The following GIT2 variants were observed in gnomAD, a reference collection of about 807,000 sequenced individuals.
GIT2 encodes the protein GIT ArfGAP 2, also known as ARF GTPase-activating protein GIT2.
GIT2 carries 32 observed loss-of-function variants against 100.3 expected under a neutral mutation model. The observed-to-expected ratio is 0.32, with a 90% CI of 0.24 to 0.43. The LOEUF (loss-of-function observed/expected upper bound fraction) is 0.43, where lower values mean the gene tolerates loss of function less well. GIT2 is among the 20% of genes least tolerant of loss of function. The pLI is 1.00. For synonymous variants in GIT2, 353 were observed against 364.1 expected, an observed-to-expected ratio of 0.97 and a Z score of 0.35; for missense variants, 737 against 975.1, an observed-to-expected ratio of 0.76 and a Z score of 3.25.
intron 1 of GIT2, chr12:109,995,956 A>C: frequency 1.7e-5 from 8 of 458,286 alleles, no homozygotes; most frequent in Non-Finnish European, 2.7e-5. Context: ...ACGGGAGGGA[A>C]CGAGAGGGAA....
intron 7 of GIT2, among the ~76,000 whole-genome samples, chr12:109,970,195 T>C (rs1463923547): frequency 2.0e-5 from 3 of 152,054 alleles, no homozygotes; most frequent in East Asian, 3.9e-4. Flanking sequence ...TCCCAATGCA[T>C]TAAAAAGAAT....
At chr12:109,978,926 G>A (rs1292868161) in intron 7 of GIT2, among the ~76,000 whole-genome samples, 3 of 152,214 alleles carry the variant, frequency 2.0e-5, no homozygotes, top group African/African-American at 7.2e-5. Context: ...CCTAGACACT[G>A]TGAATGTTTT....
chr12:109,988,168 A>G (rs940693525), intron 4 of GIT2, among the ~76,000 whole-genome samples: 6 of 152,204 alleles, frequency 3.9e-5, no homozygotes, highest in African/African-American at 1.4e-4. Context: ...TAAAAGCCAT[A>G]TTGGAAAAAC....
At chr12:109,996,024 G>A in intron 1 of GIT2, 149 bp downstream of exon 1, 1 of 518,190 alleles carries the variant, frequency 1.9e-6, no homozygotes, top group South Asian at 2.7e-5. Flanking sequence ...GCTCTGACAG[G>A]CCCGGGACGG....
Position 109,948,776 on chromosome 12 carries a change from A to C in GIT2, c.1393-1272T>G, listed in dbSNP as rs1449206010. On this transcript the variant is annotated intron_variant, in intron 14 of 19. Transcript: ENST00000355312. The surrounding 1 kb of genome is among the most constrained non-coding windows in gnomAD (Gnocchi z 4.3). ...GAGTTACTTTCAATTTTTATTTAGAAAGCACCAATCTGTGAAAAATACACC... is the reference window on the plus strand; with the variant it reads ...GAGTTACTTTCAATTTTTATTTAGACAGCACCAATCTGTGAAAAATACACC... 6 of 1,581,652 alleles carry C rather than the reference A, an allele frequency of 3.8e-6. No homozygotes were observed. The highest frequency in any genetic ancestry group is 5.1e-6 in the Non-Finnish European group (6 of 1,170,160).
intron 14 of GIT2, among the ~76,000 whole-genome samples, chr12:109,949,905 G>T (rs1437911354): frequency 6.6e-6 from 1 of 152,156 alleles, no homozygotes; most frequent in African/African-American, 2.4e-5. Context: ...TCCAAAGAAG[G>T]CAAAGAAAAT....
At chr12:109,953,405 G>GGCCA (rs1242610520) in intron 12 of GIT2, 171 bp from the exon 13 acceptor site, 28 of 623,470 alleles carry the variant, frequency 4.5e-5, no homozygotes, top group Non-Finnish European at 7.0e-5. Flanking sequence ...AACTGCTTGA[G>GGCCA]GCCAGGAGTT....
At chr12:109,951,590 A>T (rs1877875653) in intron 13 of GIT2, among the ~76,000 whole-genome samples, 2 of 152,344 alleles carry the variant, frequency 1.3e-5, no homozygotes, top group South Asian at 4.1e-4. Flanking sequence ...CCTGTCTTGT[A>T]AGCCTTTCTC....
intron 16 of GIT2, 76 bp from the exon 17 acceptor site, chr12:109,939,323 C>A: frequency 2.4e-6 from 2 of 848,150 alleles, no homozygotes; most frequent in Admixed American, 1.7e-5. Context: ...GGAATTGTTA[C>A]CTGTTAGGCT....
Position 109,947,988 on chromosome 12 carries a change from A to T in GIT2, c.1393-484T>A. 1 of 337,368 alleles carries T rather than the reference A, an allele frequency of 3.0e-6. No homozygotes were observed. The highest frequency in any genetic ancestry group is 4.2e-6 in the Non-Finnish European group (1 of 237,396). The allele number at this position is 337,368 out of a possible 1,614,324, so 20.9% of individuals were successfully genotyped here. ...CAAAGATGACTAGGGTTGCTTTGCA[A>T]AGCAAGAAAGACAGAAGTTCAGCTT... is the stretch of plus-strand genomic sequence containing the variant. On this transcript the variant is annotated intron_variant, in intron 14 of 19. Coordinates refer to ENST00000355312, the MANE Select transcript of GIT2 (RefSeq NM_057169.5). The surrounding 1 kb of genome is among the most constrained non-coding windows in gnomAD (Gnocchi z 4.3).
At chr12:109,964,922 G>A (rs1332710807) in intron 9 of GIT2, among the ~76,000 whole-genome samples, 1 of 152,090 alleles carries the variant, frequency 6.6e-6, no homozygotes, top group Middle Eastern at 3.2e-3. Context: ...GGGCCCTTAG[G>A]CCTTTCCTAA....
At chr12:109,998,793 A>G (rs1018832558), upstream of GIT2, 1 of 152,118 alleles carries the variant, frequency 6.6e-6, no homozygotes, top group Admixed American at 6.5e-5. Context: ...ACATTTGGCA[A>G]TATCTGGAGA....
chr12:109,982,184 C>T (rs1886431581), intron 6 of GIT2: 1 of 152,422 alleles, frequency 6.6e-6, no homozygotes, highest in African/African-American at 2.4e-5. Flanking sequence ...TTTGTCCCTC[C>T]CTGCCTCCTG....
At chr12:109,966,001 T>G (rs987693606) in intron 8 of GIT2, among the ~76,000 whole-genome samples, 2 of 149,214 alleles carry the variant, frequency 1.3e-5, no homozygotes, top group East Asian at 2.0e-4. Flanking sequence ...GTTGTTTTTT[T>G]TTTTTTTTTT....
intron 16 of GIT2, chr12:109,939,682 A>AAATAAAT (rs377454663): frequency 1.4e-5 from 2 of 140,254 alleles, no homozygotes; most frequent in Admixed American, 7.2e-5. Flanking sequence ...AAAAATAAAT[A>AAATAAAT]AAATAAATAA....
At chr12:109,973,031 T>A (rs1488115863) in intron 7 of GIT2, among the ~76,000 whole-genome samples, 1 of 152,168 alleles carries the variant, frequency 6.6e-6, no homozygotes, top group African/African-American at 2.4e-5. Context: ...TCTTGCTATG[T>A]TGCCCAGGCT....
At chr12:109,949,581 T>C (rs1377169487) in intron 14 of GIT2, among the ~76,000 whole-genome samples, 1 of 152,116 alleles carries the variant, frequency 6.6e-6, no homozygotes, top group Non-Finnish European at 1.5e-5. Flanking sequence ...TAAGGGAAAA[T>C]AAAAAGTTAT....
intron 6 of GIT2, chr12:109,981,533 A>G (rs1289976452): frequency 1.3e-5 from 2 of 157,934 alleles, no homozygotes; most frequent in Non-Finnish European, 1.4e-5. Flanking sequence ...CTGACTCTGG[A>G]TAAGAGTCTA....
chr12:109,959,618 G>A (rs1272344453), intron 12 of GIT2, among the ~76,000 whole-genome samples: 3 of 152,218 alleles, frequency 2.0e-5, no homozygotes, highest in East Asian at 1.9e-4. Flanking sequence ...AGGGAACCTA[G>A]AGGACAGGTC....
Sources: gnomAD v4.1 joint callset for allele counts (sites outside exome capture counted in the v4.1 genomes callset) on GRCh38, gnomAD v4.1.1 for gene constraint, Gnocchi (gnomAD v3.1) non-coding constraint, MANE v1.5 for transcripts, NCBI Gene and HGNC (gene_info 2026-07-23, HGNC 2026-07-21) for gene names.